CLSPN: variants seen among roughly 807,000 people sequenced by gnomAD.
The protein encoded by CLSPN is claspin homolog.
CLSPN carries 85 observed loss-of-function variants against 156.3 expected under a neutral mutation model. That is an observed-to-expected ratio of 0.54 (90% CI 0.46 to 0.65). The LOEUF (loss-of-function observed/expected upper bound fraction) is 0.65, where lower values mean the gene tolerates loss of function less well. CLSPN is among the 30% of genes least tolerant of loss of function. The probability of loss-of-function intolerance (pLI) is 0.00; values close to 1 mark genes in which losing one functional copy is unlikely to be tolerated. For missense variants in CLSPN, 1,407 were observed against 1,554.9 expected (o/e 0.90, Z 1.60); for synonymous variants, 534 against 542.4 (o/e 0.98, Z 0.22).
At chr1:35,726,152 CA>C (rs3041363) in intron 24 of CLSPN, among the ~76,000 whole-genome samples, 31 of 48,202 alleles carry the variant, frequency 6.4e-4, no homozygotes, top group Middle Eastern at 0.031. Flanking sequence ...CAGATGCAGA[CA>C]AAAAAAAAAA....
chr1:35,764,708 T>C lies in CLSPN; in HGVS notation c.140A>G (p.Asp47Gly). 1 of 1,567,864 alleles carries C rather than the reference T, an allele frequency of 6.4e-7. No individual in the cohort carries two copies. Residue 47 changes from aspartate (D) to glycine (G), a missense_variant, in exon 3 of 25, where the codon GAT becomes GGT. By Grantham distance (94) the Asp-to-Gly change is moderately conservative. Around this residue, in one of 3 missense-constraint regions of CLSPN, gnomAD observed 1,096 missense variants for 1,193.0 expected, o/e 0.92. Coordinates refer to ENST00000318121, the MANE Select transcript of CLSPN (RefSeq NM_022111.4). Reference protein sequence around the residue: ...TIGPLSEGDSDEEIFVSKKLK... With the variant: ...TIGPLSEGDSGEEIFVSKKLK... ...CTTCTTACTTACAAATATCTCTTCA[T>C]CTGAATCTGGAGGAAACAATTTTCT...
chr1:35,759,408 GTTAT>G (rs1642397548), intron 8 of CLSPN, among the ~76,000 whole-genome samples: 2 of 152,084 alleles, frequency 1.3e-5, no homozygotes, highest in Non-Finnish European at 1.5e-5. Context: ...TTTTCTTCAT[GTTAT>G]TTATTTTCCA....
rs34909122 is a variant in CLSPN, at chr1:35,722,138, C to CA, written c.3910-1159dup. Among the ~76,000 whole-genome samples, 359 of 131,534 alleles carry CA rather than the reference C, an allele frequency of 2.7e-3. 2 individuals carry two copies. The highest frequency in any genetic ancestry group is 4.3e-3 in the Non-Finnish European group (265 of 61,414). 86.3% of individuals were successfully genotyped at this position (131,534 alleles called of 152,430 possible). The stretch of plus-strand genomic sequence containing the variant: ...TGGGCGATAGAGTAAGACCCTGTCT[C>CA]AAAAAAAAAAAATTAAAATAAAATA... On this transcript the variant is annotated intron_variant, in intron 24 of 24. Coordinates refer to the CLSPN transcript ENST00000251195.
rs113728188 is a variant in CLSPN at position 35,760,985 on chromosome 1, A to G, written c.1005-69T>C. On this transcript the variant is annotated intron_variant, in intron 7 of 24. Coordinates refer to ENST00000318121, the MANE Select transcript of CLSPN (RefSeq NM_022111.4). The stretch of plus-strand genomic sequence containing the variant: ...GTGAAACATTCTCATCCCTTAGTAT[A>G]TATCAGTTAAATCAGTTTTAAGGGA... 347 of 1,420,672 alleles carry G rather than the reference A, an allele frequency of 2.4e-4. 1 individual carries two copies. The African/African-American group carries it at 2.7e-3, about 11-fold the overall frequency. 88.0% of individuals were successfully genotyped at this position (1,420,672 alleles called of 1,614,324 possible).
rs182476077 is a variant in CLSPN at position 35,758,645 on chromosome 1, G to A, written c.1579+1697C>T. ...AGGTGGCAAGAGCAAGTGAAAGCCC[G>A]TCTCAAAAAAAAAAAGTCTTGATGT... On this transcript the variant is annotated intron_variant, in intron 8 of 24. Transcript: ENST00000318121. 1.7e-3 allele frequency among the ~76,000 whole-genome samples: 259 copies of A among 149,250 alleles called. 1 individual carries two copies. The highest frequency in any genetic ancestry group is 2.9e-3 in the Non-Finnish European group (199 of 67,600).
Position 35,760,898 on chromosome 1 carries a change from T to C in CLSPN, c.1023A>G (p.Ser341=), listed in dbSNP as rs759242762. 7 of 1,610,500 alleles carry C rather than the reference T, an allele frequency of 4.3e-6. No homozygotes were observed. The Admixed American group carries it at 1.0e-4, about 23-fold the overall frequency. Residue 341 remains serine, a synonymous_variant, in exon 8 of 25, where the codon TCA becomes TCG. Transcript: ENST00000318121. Reference sequence around the variant, plus strand: ...TGTCTATGATTTCTTTGTGATGGCTTGACTGATATTTAGATGACCTAGAGA... The same window carrying C: ...TGTCTATGATTTCTTTGTGATGGCTCGACTGATATTTAGATGACCTAGAGA... ...MALLKSSKYQ[S]SHHKEIIDTA...
At chr1:35,745,639 G>T in intron 15 of CLSPN, 77 bp from the exon 16 acceptor site, 2 of 1,007,600 alleles carry the variant, frequency 2.0e-6, no homozygotes, top group Non-Finnish European at 1.5e-6. Context: ...CTAAAGTCAT[G>T]CCAGCTCGAT....
At chr1:35,743,401 A>G in intron 17 of CLSPN, 54 bp downstream of exon 17, 1 of 1,487,128 alleles carries the variant, frequency 6.7e-7, no homozygotes, top group Non-Finnish European at 9.3e-7. Context: ...AAAACACTTG[A>G]GGGCAGCAAT....
At chr1:35,731,841 G>C (rs1286177339), downstream of CLSPN, among the ~76,000 whole-genome samples, 1 of 152,218 alleles carries the variant, frequency 6.6e-6, no homozygotes, top group African/African-American at 2.4e-5. Flanking sequence ...CAGGTTTTTA[G>C]AGAAGATCAC....
At chr1:35,732,016 T>TTACAG, downstream of CLSPN, 1 of 301,624 alleles carries the variant, frequency 3.3e-6, no homozygotes, top group East Asian at 1.7e-4. Flanking sequence ...AGAGTGGCAC[T>TTACAG]TGACATAATG....
chr1:35,742,689 T>C (rs996194565), intron 18 of CLSPN, among the ~76,000 whole-genome samples: 1 of 151,192 alleles, frequency 6.6e-6, no homozygotes, highest in Non-Finnish European at 1.5e-5. Context: ...TAAGATAATA[T>C]GTTAATGCCT....
At chr1:35,725,843 T>G (rs1181048720) in intron 24 of CLSPN, among the ~76,000 whole-genome samples, 1 of 151,964 alleles carries the variant, frequency 6.6e-6, no homozygotes, top group African/African-American at 2.4e-5. Flanking sequence ...GAACAATGAT[T>G]TATTCATTCT....
chr1:35,721,108 AC>A, intron 24 of CLSPN: 1 of 612,472 alleles, frequency 1.6e-6, no homozygotes, highest in Non-Finnish European at 2.8e-6. Context: ...GCCAAGCCTA[AC>A]TTGAGTGGAA....
At position 35,734,949 on chromosome 1, in the gene CLSPN, A is replaced by C; in HGVS notation, c.*1547T>G. The C allele has an allele frequency of 8.1e-6, 8 of 985,472 alleles. No individual in the cohort carries two copies. The highest frequency in any genetic ancestry group is 8.4e-6 in the Non-Finnish European group (7 of 829,928). The allele number at this position is 985,472 out of a possible 1,614,324, so 61.0% of individuals were successfully genotyped here. A position where few individuals can be genotyped will look rare whatever the true frequency, so the allele number is the denominator to read the frequency against. Reference sequence around the variant, plus strand: ...TGAGAAGCTTGTGGTAGTTCAGGGAAAATGGAGAATGATGGCAATTCTCTT... The same window carrying C: ...TGAGAAGCTTGTGGTAGTTCAGGGACAATGGAGAATGATGGCAATTCTCTT... On this transcript the variant is annotated 3_prime_UTR_variant, in exon 25 of 25. Coordinates refer to ENST00000318121, the MANE Select transcript of CLSPN (RefSeq NM_022111.4).
Position 35,733,791 on chromosome 1 carries a change from A to T in CLSPN, c.*2705T>A. ...CCAGGAGTTCAAGATCAGCTGGGGC[A>T]ACACAGCAAGACCCTGTCTCTACTA... On this transcript the variant is annotated 3_prime_UTR_variant, in exon 25 of 25. Coordinates refer to ENST00000318121, the MANE Select transcript of CLSPN (RefSeq NM_022111.4). 1 of 675,904 alleles carries T rather than the reference A, an allele frequency of 1.5e-6. No homozygotes were observed. Among genetic ancestry groups the T allele is most frequent in the Non-Finnish European group, 1.8e-6 (1 of 548,182 alleles). 41.9% of individuals were successfully genotyped at this position (675,904 alleles called of 1,614,324 possible). A position where few individuals can be genotyped will look rare whatever the true frequency, so the allele number is the denominator to read the frequency against.
In CLSPN at chr1:35,738,487, G is replaced by T. The variant is rs199760554; in HGVS notation, c.3526C>A (p.Arg1176=). 3.1e-6 allele frequency: 5 copies of T among 1,613,670 alleles called. No individual in the cohort carries two copies. Among genetic ancestry groups the T allele is most frequent in the Non-Finnish European group, 4.2e-6 (5 of 1,179,790 alleles). Residue 1176 remains arginine (R), a synonymous_variant, in exon 21 of 25, where the codon CGA becomes AGA. Coordinates refer to ENST00000318121, the MANE Select transcript of CLSPN (RefSeq NM_022111.4). ...DESEARWRKE[R]IEREQWLRDM... ...CGAAGCCACTGCTCTCGTTCAATTCGCTCCTTCCTCCACCTGGCTTCTGAC... is the reference window on the plus strand; with the variant it reads ...CGAAGCCACTGCTCTCGTTCAATTCTCTCCTTCCTCCACCTGGCTTCTGAC...
At chr1:35,724,874 T>TA (rs1641144026) in intron 24 of CLSPN, among the ~76,000 whole-genome samples, 1 of 152,190 alleles carries the variant, frequency 6.6e-6, no homozygotes, top group Non-Finnish European at 1.5e-5. Flanking sequence ...TCTCTACTGC[T>TA]TCTTAAAGGT....
At chr1:35,761,061 T>C in intron 7 of CLSPN, 35 bp downstream of exon 7, 1 of 1,511,446 alleles carries the variant, frequency 6.6e-7, no homozygotes, top group Non-Finnish European at 9.2e-7. Context: ...AACTAAATGT[T>C]CATGAAAATT....
At chr1:35,748,820 C>CTTTTTTT (rs201350754) in intron 12 of CLSPN, 13 of 293,542 alleles carry the variant, frequency 4.4e-5, no homozygotes, top group Non-Finnish European at 5.8e-5. Context: ...CTTGAAAGTT[C>CTTTTTTT]TTTTTTTTTT....
Sources: allele counts gnomAD v4.1 joint callset (sites outside exome capture counted in the v4.1 genomes callset), GRCh38; gene constraint gnomAD v4.1.1; regional missense constraint gnomAD v4.1.1; transcripts MANE v1.5; gene names NCBI Gene and HGNC (gene_info 2026-07-23, HGNC 2026-07-21).